FAR2: variants seen among roughly 807,000 people sequenced by gnomAD.
FAR2 encodes epididymis secretory protein Li 81.
A neutral mutation model predicts 56.0 loss-of-function variants in FAR2; 19 were observed. The observed-to-expected ratio is 0.34, with a 90% CI of 0.24 to 0.50. The LOEUF (loss-of-function observed/expected upper bound fraction) is 0.50. Ranked by LOEUF, FAR2 falls within the 20% of genes least tolerant of loss-of-function variation. FAR2 has a pLI of 0.98. For missense variants in FAR2, 508 were observed against 642.2 expected (o/e 0.79, Z 2.26); for synonymous variants, 219 against 218.8 (o/e 1.00, Z -0.01).
chr12:29,159,495 G>A (rs114547019), intron 1 of FAR2, among the ~76,000 whole-genome samples: 49 of 141,720 alleles, frequency 3.5e-4, no homozygotes, highest in Admixed American at 1.7e-3. Flanking sequence ...CCAAGATTGC[G>A]CCACTGTGTG....
At chr12:29,242,065 T>G (rs908275232) in intron 1 of FAR2, among the ~76,000 whole-genome samples, 2 of 152,138 alleles carry the variant, frequency 1.3e-5, no homozygotes, top group African/African-American at 4.8e-5. Context: ...TTTGCAAACA[T>G]CCGTGTTAAT....
intron 10 of FAR2, among the ~76,000 whole-genome samples, chr12:29,325,979 G>T (rs1237382707): frequency 6.6e-6 from 1 of 152,082 alleles, no homozygotes; most frequent in Non-Finnish European, 1.5e-5. Flanking sequence ...TTTTTGAAAA[G>T]ATCAACAAAA....
At chr12:29,209,542 GGCCCTTGAAATTCCAGTTCT>G (rs1947518407) in intron 1 of FAR2, among the ~76,000 whole-genome samples, 1 of 152,168 alleles carries the variant, frequency 6.6e-6, no homozygotes, top group Non-Finnish European at 1.5e-5. Flanking sequence ...AGTTACTGCT[GGCCCTTGAAATTCCAGTTCT>G]GCTGGAGGAA....
intron 8 of FAR2, among the ~76,000 whole-genome samples, chr12:29,316,168 C>T (rs1640435958): frequency 6.6e-6 from 1 of 151,564 alleles, no homozygotes; most frequent in African/African-American, 2.4e-5. Flanking sequence ...AACCTACATA[C>T]ATTAAATAAA....
chr12:29,320,650 A>AT (rs1471449956), intron 9 of FAR2, among the ~76,000 whole-genome samples: 38 of 152,238 alleles, frequency 2.5e-4, no homozygotes, highest in African/African-American at 8.9e-4. Context: ...CTTGTAGCTA[A>AT]AAGACCTAGG....
intron 1 of FAR2, among the ~76,000 whole-genome samples, chr12:29,225,169 G>A (rs983567945): frequency 4.6e-5 from 7 of 152,144 alleles, no homozygotes; most frequent in African/African-American, 1.7e-4. Context: ...CTGGGAGGTC[G>A]AGGCTCCAGT....
intron 9 of FAR2, chr12:29,317,818 G>A (rs756307944): frequency 6.6e-6 from 1 of 152,606 alleles, no homozygotes; most frequent in Non-Finnish European, 1.5e-5. Context: ...TTACAAATGG[G>A]GAAATAGAAG....
intron 2 of FAR2, among the ~76,000 whole-genome samples, chr12:29,275,350 C>T (rs1331557044): frequency 6.6e-6 from 1 of 151,976 alleles, no homozygotes; most frequent in Non-Finnish European, 1.5e-5. Flanking sequence ...AGGAACAGGC[C>T]ATTTTCACTT....
rs1949456090 is a variant in FAR2 at position 29,316,699 on chromosome 12, T to C, written c.956-142T>C. 15 of 813,146 alleles carry C rather than the reference T, an allele frequency of 1.8e-5. No homozygotes were observed. In the South Asian group the frequency reaches 2.9e-4, roughly 16 times the overall value. 50.4% of individuals were successfully genotyped at this position (813,146 alleles called of 1,614,324 possible). On this transcript the variant is annotated intron_variant, in intron 8 of 11. Coordinates refer to ENST00000536681, the MANE Select transcript of FAR2 (RefSeq NM_001271783.2). ...ACCATTTGCCCAGCACAAAAATCTT[T>C]ATATTGTTCTCAGAAATTGATTCTT...
intron 10 of FAR2, among the ~76,000 whole-genome samples, chr12:29,329,357 T>C (rs927382053): frequency 7.2e-5 from 11 of 152,218 alleles, no homozygotes; most frequent in Non-Finnish European, 1.3e-4. Flanking sequence ...TTGGTTTCAT[T>C]TCTGACATTT....
intron 1 of FAR2, among the ~76,000 whole-genome samples, chr12:29,158,537 T>C (rs368692525): frequency 6.6e-6 from 1 of 152,268 alleles, no homozygotes; most frequent in Admixed American, 6.5e-5. Context: ...TCTGCTATTT[T>C]GGTGCAGTCC....
chr12:29,231,692 C>T (rs1947860502), intron 1 of FAR2, among the ~76,000 whole-genome samples: 1 of 152,168 alleles, frequency 6.6e-6, no homozygotes, highest in Admixed American at 6.5e-5. Context: ...GGGGCATAAG[C>T]CTTCTATACG....
At chr12:29,155,523 A>G (rs1166233699) in intron 1 of FAR2, among the ~76,000 whole-genome samples, 1 of 152,230 alleles carries the variant, frequency 6.6e-6, no homozygotes, top group Non-Finnish European at 1.5e-5. Flanking sequence ...CTTTGGCCCA[A>G]GGCTGAAATC....
chr12:29,323,505 G>A (rs1949588422), intron 10 of FAR2, among the ~76,000 whole-genome samples: 1 of 152,232 alleles, frequency 6.6e-6, no homozygotes, highest in Non-Finnish European at 1.5e-5. Flanking sequence ...CCCAGTAGGG[G>A]CGGACTGACA....
chr12:29,258,769 A>G (rs1223685437), intron 1 of FAR2, among the ~76,000 whole-genome samples: 1 of 152,230 alleles, frequency 6.6e-6, no homozygotes, highest in Admixed American at 6.5e-5. Flanking sequence ...TGCTGGCTCA[A>G]TCGTCATTCT....
rs531061393 is a variant in FAR2, at chr12:29,334,049, C to A, written c.*255C>A. The A allele has an allele frequency of 7.1e-5, 22 of 310,124 alleles. No homozygotes were observed. Among genetic ancestry groups the A allele is most frequent in the Non-Finnish European group, 1.1e-4 (18 of 169,476 alleles). The allele number at this position is 310,124 out of a possible 1,614,324, so 19.2% of individuals were successfully genotyped here. The stretch of plus-strand genomic sequence containing the variant: ...CCTAACATTCTATTTTATGCCCTTG[C>A]GTATTAAACGTGAAAGTACTCCCAC... On this transcript the variant is annotated 3_prime_UTR_variant, in exon 12 of 12. Transcript: ENST00000536681.
chr12:29,156,030 CATAA>C (rs1565675753), intron 1 of FAR2, among the ~76,000 whole-genome samples: 1 of 151,790 alleles, frequency 6.6e-6, no homozygotes, highest in Non-Finnish European at 1.5e-5. Flanking sequence ...ATATTGAACT[CATAA>C]ATAAAAGTAG....
intron 4 of FAR2, chr12:29,301,488 C>T (rs564998649): frequency 6.6e-6 from 1 of 152,246 alleles, no homozygotes; most frequent in South Asian, 2.1e-4. Flanking sequence ...ACATAACTGA[C>T]CAAGAAAGGC....
At position 29,293,303 on chromosome 12, in the gene FAR2, T is replaced by C. The variant is rs1202022816; in HGVS notation, c.193T>C (p.Phe65Leu). The change falls in exon 3 of 12, where the codon TTT (phenylalanine) becomes CTT (leucine). Residue 65 changes from phenylalanine to leucine, a missense_variant. By Grantham distance (22) the Phe-to-Leu change is conservative. Coordinates refer to ENST00000536681, the MANE Select transcript of FAR2 (RefSeq NM_001271783.2). The part of the protein sequence containing the change: ...RVFQILDSKL[F>L]EKVKEVCPNV... ...TTGATCTATATTTATGTTTCAGCTA[T>C]TTGAGAAAGTCAAAGAAGTTTGTCC... 1 of 1,572,324 alleles carries C rather than the reference T, an allele frequency of 6.4e-7. No homozygotes were observed. Among genetic ancestry groups the C allele is most frequent in the Non-Finnish European group, 8.6e-7 (1 of 1,161,738 alleles).
Sources: allele counts gnomAD v4.1 joint callset (sites outside exome capture counted in the v4.1 genomes callset), GRCh38; gene constraint gnomAD v4.1.1; transcripts MANE v1.5; gene names NCBI Gene and HGNC (gene_info 2026-07-23, HGNC 2026-07-21).